The following SNPH variants were observed in gnomAD, a reference collection of about 807,000 sequenced individuals.
SNPH encodes syntaphilin.
In SNPH, 10 loss-of-function variants were observed where a neutral mutation model predicts 36.8. That is an observed-to-expected ratio of 0.27 (90% CI 0.17 to 0.46). The LOEUF is 0.46. Ranked by LOEUF, SNPH falls within the 20% of genes least tolerant of loss-of-function variation. The pLI is 1.00. For synonymous variants in SNPH, 281 were observed against 312.2 expected, an observed-to-expected ratio of 0.90 and a Z score of 1.05; for missense variants, 622 against 744.0, an observed-to-expected ratio of 0.84 and a Z score of 1.91.
chr20:1,272,600 T>C (rs1175771776), intron 2 of SNPH, among the ~76,000 whole-genome samples: 2 of 152,364 alleles, frequency 1.3e-5, no homozygotes, highest in South Asian at 2.1e-4. Flanking sequence ...CATATTAAAA[T>C]GTGTATGTGA....
intron 5 of SNPH, among the ~76,000 whole-genome samples, chr20:1,298,111 G>A (rs1264762090): frequency 6.6e-6 from 1 of 152,226 alleles, no homozygotes; most frequent in Non-Finnish European, 1.5e-5. Context: ...TGAAATACAA[G>A]TGGGAGGTTG....
At chr20:1,277,535 A>G (rs373842370) in intron 2 of SNPH, among the ~76,000 whole-genome samples, 14,173 of 106,530 alleles carry the variant, frequency 0.13, 753 homozygotes, top group African/African-American at 0.2. Flanking sequence ...CTGTCTGTGC[A>G]TGTGTGTCTG....
In SNPH at chr20:1,296,126, A is replaced by G; in HGVS notation, c.-114A>G. 1 of 870,782 alleles carries G rather than the reference A, an allele frequency of 1.1e-6. No homozygotes were observed. Among genetic ancestry groups the G allele is most frequent in the Non-Finnish European group, 1.7e-6 (1 of 595,968 alleles). 53.9% of individuals were successfully genotyped at this position (870,782 alleles called of 1,614,324 possible). A position where few individuals can be genotyped will look rare whatever the true frequency, so the allele number is the denominator to read the frequency against. ...GCCACTCCTGACAGTTGTGGTTTTA[A>G]GTTGGGTGGTGGGAACCTGTGCACC... On this transcript the variant is annotated 5_prime_UTR_variant, in exon 4 of 7. Coordinates refer to ENST00000381867, the MANE Select transcript of SNPH (RefSeq NM_001318234.2).
chr20:1,271,317 C>T (rs1426943649), intron 2 of SNPH, among the ~76,000 whole-genome samples: 1 of 152,168 alleles, frequency 6.6e-6, no homozygotes, highest in Non-Finnish European at 1.5e-5. Context: ...GAGTGGCTAA[C>T]AATTCAGAAA....
In SNPH at chr20:1,306,334, T is replaced by C. The variant is rs1362924566; in HGVS notation, c.*280T>C. On this transcript the variant is annotated 3_prime_UTR_variant, in exon 7 of 7. Coordinates refer to ENST00000381867, the MANE Select transcript of SNPH (RefSeq NM_001318234.2). Reference sequence around the variant, plus strand: ...AGGGAGCGAGGGCCAACCCGGCCCCTCTGTCCCCTTGGCTCTTCAGACAGG... The same window carrying C: ...AGGGAGCGAGGGCCAACCCGGCCCCCCTGTCCCCTTGGCTCTTCAGACAGG... 7 of 355,994 alleles carry C rather than the reference T, an allele frequency of 2.0e-5. No individual in the cohort carries two copies. In the East Asian group the frequency reaches 3.3e-4, roughly 17 times the overall value. The allele number at this position is 355,994 out of a possible 1,614,324, so 22.1% of individuals were successfully genotyped here.
In SNPH at chr20:1,309,037, G is replaced by T. The variant is rs867399086; in HGVS notation, c.*2983G>T. The T allele has an allele frequency of 2.0e-5, 3 of 152,374 alleles. No individual in the cohort carries two copies. The highest frequency in any genetic ancestry group is 6.5e-5 in the Admixed American group (1 of 15,294). The allele number at this position is 152,374 out of a possible 1,614,324, so 9.4% of individuals were successfully genotyped here. A position where few individuals can be genotyped will look rare whatever the true frequency, so the allele number is the denominator to read the frequency against. On this transcript the variant is annotated 3_prime_UTR_variant, in exon 7 of 7. Transcript: ENST00000381867. ...CTTCCCAATTGCCACAAGCGCAGGGGTATCTTACAGCACTTTGGGGAGGGG... is the reference window on the plus strand; with the variant it reads ...CTTCCCAATTGCCACAAGCGCAGGGTTATCTTACAGCACTTTGGGGAGGGG...
rs2088426484 is a variant in SNPH at position 1,296,026 on chromosome 20, CT to C, written c.-212del. ...GCCCTGCTCCTGAAGCCTCTGTGAC[CT>C]TGGGCACGGCCTTCACTCTGTCTGG... On this transcript the variant is annotated 5_prime_UTR_variant, in exon 4 of 7. Transcript: ENST00000381867. The C allele has an allele frequency of 2.0e-6, 1 of 489,730 alleles. No homozygotes were observed. Among genetic ancestry groups the C allele is most frequent in the Non-Finnish European group, 3.5e-6 (1 of 283,836 alleles). The allele number at this position is 489,730 out of a possible 1,614,324, so 30.3% of individuals were successfully genotyped here.
chr20:1,294,456 G>T lies in SNPH; in HGVS notation c.-492-495G>T, dbSNP rs2122382673. On this transcript the variant is annotated intron_variant, in intron 2 of 6. Coordinates refer to ENST00000381867, the MANE Select transcript of SNPH (RefSeq NM_001318234.2). The surrounding 1 kb of genome is among the most constrained non-coding windows in gnomAD (Gnocchi z 4.4). ...ACCCCCAAATCGCCCCTCCTCCATG[G>T]TTCCTGCTCTAGGGGCCAGCCCTAC... is the stretch of plus-strand genomic sequence containing the variant. 6.6e-6 allele frequency among the ~76,000 whole-genome samples: 1 copy of T among 152,314 alleles called. No individual in the cohort carries two copies. Among genetic ancestry groups the T allele is most frequent in the African/African-American group, 2.4e-5 (1 of 41,566 alleles).
intron 2 of SNPH, among the ~76,000 whole-genome samples, chr20:1,277,630 G>GTC (rs1359762480): frequency 6.7e-6 from 1 of 150,006 alleles, no homozygotes; most frequent in African/African-American, 2.5e-5. Flanking sequence ...GTGCCTGTGT[G>GTC]TGTGTGTCTG....
At chr20:1,290,206 T>G (rs1376388915) in intron 2 of SNPH, among the ~76,000 whole-genome samples, 1 of 96,062 alleles carries the variant, frequency 1.0e-5, no homozygotes, top group Non-Finnish European at 2.5e-5. Flanking sequence ...AGTGAGACTC[T>G]GTCTCAAAAA....
Position 1,266,435 on chromosome 20 carries a change from C to G in SNPH, c.-600+38C>G. On this transcript the variant is annotated intron_variant, in intron 1 of 6. Transcript: ENST00000381867. This position sits in a 1 kb window ranked among gnomAD's most constrained non-coding sequence, Gnocchi z 6.0. ...ACCCCGGGGATCTCCGGGCCCACCG[C>G]CCAGCTGCACCCGCCGCAGTCCAGA... 1.8e-6 allele frequency: 1 copy of G among 563,450 alleles called. No homozygotes were observed. The allele number at this position is 563,450 out of a possible 1,614,324, so 34.9% of individuals were successfully genotyped here. A position where few individuals can be genotyped will look rare whatever the true frequency, so the allele number is the denominator to read the frequency against.
intron 6 of SNPH, among the ~76,000 whole-genome samples, chr20:1,302,605 C>T (rs1411777515): frequency 6.6e-6 from 1 of 151,864 alleles, no homozygotes; most frequent in Admixed American, 6.6e-5. Context: ...TCAAAATAAA[C>T]CCCATTCCCA....
At chr20:1,280,657 C>T (rs1233248470) in intron 2 of SNPH, among the ~76,000 whole-genome samples, 1 of 152,122 alleles carries the variant, frequency 6.6e-6, no homozygotes, top group East Asian at 1.9e-4. Flanking sequence ...GTCCTGGCCC[C>T]AAGTACCGTG....
At chr20:1,279,485 A>G (rs776055387) in intron 2 of SNPH, among the ~76,000 whole-genome samples, 31 of 152,226 alleles carry the variant, frequency 2.0e-4, no homozygotes, top group Non-Finnish European at 1.0e-4. Flanking sequence ...TGTTAAATAT[A>G]TATTTTGCAA....
At chr20:1,277,933 G>C (rs989054518) in intron 2 of SNPH, among the ~76,000 whole-genome samples, 3 of 148,766 alleles carry the variant, frequency 2.0e-5, no homozygotes, top group Non-Finnish European at 3.0e-5. Context: ...GTGTGTCTGC[G>C]TGTGTGCCTG....
At chr20:1,295,312 C>T (rs556607296) in intron 3 of SNPH, among the ~76,000 whole-genome samples, 2 of 152,288 alleles carry the variant, frequency 1.3e-5, no homozygotes, top group Admixed American at 1.3e-4. Context: ...AAAGGCTGCC[C>T]TTGGAACCCA....
At position 1,306,218 on chromosome 20, in the gene SNPH, T is replaced by A. The variant is rs1025942611; in HGVS notation, c.*164T>A. 1.3e-5 allele frequency: 8 copies of A among 599,090 alleles called. No individual in the cohort carries two copies. Among genetic ancestry groups the A allele is most frequent in the Non-Finnish European group, 2.0e-5 (8 of 394,284 alleles). The allele number at this position is 599,090 out of a possible 1,614,324, so 37.1% of individuals were successfully genotyped here. Reference sequence around the variant, plus strand: ...AACAGTCCCGTGGAAGGAGCAGGGGTTGGAGAAAGGCATCCCAAAGCTTCG... The same window carrying A: ...AACAGTCCCGTGGAAGGAGCAGGGGATGGAGAAAGGCATCCCAAAGCTTCG... On this transcript the variant is annotated 3_prime_UTR_variant, in exon 7 of 7. Transcript: ENST00000381867.
In SNPH at chr20:1,279,984, T is replaced by C. The variant is rs13036369; in HGVS notation, c.-493+13224T>C. On this transcript the variant is annotated intron_variant, in intron 2 of 6. Transcript: ENST00000381867. ...CAACAGCAAGGGCGAGGAGCGTGTG[T>C]CAGTGCCAATGCCATCAAAAGGCCT... is the stretch of plus-strand genomic sequence containing the variant. Among the ~76,000 whole-genome samples, 846 of 152,274 alleles carry C rather than the reference T, an allele frequency of 5.6e-3. 4 individuals are homozygous for C. Among genetic ancestry groups the C allele is most frequent in the Non-Finnish European group, 9.5e-3 (645 of 68,022 alleles).
intron 2 of SNPH, among the ~76,000 whole-genome samples, chr20:1,274,964 T>C (rs2088114210): frequency 6.6e-6 from 1 of 152,222 alleles, no homozygotes; most frequent in Admixed American, 6.5e-5. Context: ...TGGCGGACTT[T>C]GGACGTGCAG....
Sources: gnomAD v4.1 joint callset for allele counts (sites outside exome capture counted in the v4.1 genomes callset) on GRCh38, gnomAD v4.1.1 for gene constraint, Gnocchi (gnomAD v3.1) non-coding constraint, MANE v1.5 for transcripts, NCBI Gene and HGNC (gene_info 2026-07-23, HGNC 2026-07-21) for gene names.